Variants in ADK observed in about 807,000 individuals in gnomAD.
The protein encoded by ADK is adenosine kinase, also known as N6,N6-dimethyladenosine kinase.
In ADK, 24 loss-of-function variants were observed where a neutral mutation model predicts 44.7. That is an observed-to-expected ratio of 0.54 (90% confidence interval 0.39 to 0.76). ADK has a LOEUF of 0.76. ADK is among the 30% of genes least tolerant of loss of function. The pLI is 0.00. For synonymous variants in ADK, 128 were observed against 142.6 expected (o/e 0.90, Z 0.73); for missense variants, 321 against 425.1 (o/e 0.76, Z 2.15).
At chr10:74,610,208 T>C (rs572686254) in intron 9 of ADK, among the ~76,000 whole-genome samples, 41 of 152,288 alleles carry the variant, frequency 2.7e-4, no homozygotes, top group African/African-American at 9.9e-4. Flanking sequence ...AAATGTGATA[T>C]ATACATACAA....
At chr10:74,579,343 A>C (rs1036180636) in intron 7 of ADK, among the ~76,000 whole-genome samples, 1 of 152,118 alleles carries the variant, frequency 6.6e-6, no homozygotes, top group African/African-American at 2.4e-5. Flanking sequence ...TAAATGGAGG[A>C]TTGCAGACTT....
At chr10:74,649,857 T>C (rs539221563) in intron 9 of ADK, among the ~76,000 whole-genome samples, 3 of 152,318 alleles carry the variant, frequency 2.0e-5, no homozygotes, top group South Asian at 4.1e-4. Flanking sequence ...TCAAAAAATA[T>C]GAATACTTGT....
chr10:74,334,746 G>A (rs1424036213), intron 4 of ADK, among the ~76,000 whole-genome samples: 2 of 152,096 alleles, frequency 1.3e-5, no homozygotes, highest in African/African-American at 2.4e-5. Flanking sequence ...ATTTACAGAG[G>A]TTTTCCTGGC....
chr10:74,663,818 T>C (rs1854842399), intron 9 of ADK, among the ~76,000 whole-genome samples: 1 of 152,238 alleles, frequency 6.6e-6, no homozygotes. Flanking sequence ...ATCTCTATTA[T>C]TAGCAGAGTT....
At chr10:74,161,905 G>C (rs912518892) in intron 1 of ADK, among the ~76,000 whole-genome samples, 3 of 152,028 alleles carry the variant, frequency 2.0e-5, no homozygotes, top group Non-Finnish European at 4.4e-5. Flanking sequence ...TAGAAACAGG[G>C]TCTCACTCTA....
intron 4 of ADK, among the ~76,000 whole-genome samples, chr10:74,317,918 A>C (rs1840680568): frequency 6.6e-6 from 1 of 152,058 alleles, no homozygotes; most frequent in South Asian, 2.1e-4. Flanking sequence ...AGTAGCTGGG[A>C]CTATAGGTGT....
intron 6 of ADK, among the ~76,000 whole-genome samples, chr10:74,450,357 G>A (rs921759010): frequency 1.3e-5 from 2 of 152,202 alleles, no homozygotes; most frequent in South Asian, 2.1e-4. Context: ...TTCTAAATTG[G>A]AGAAAGTCAT....
intron 10 of ADK, among the ~76,000 whole-genome samples, chr10:74,698,144 G>A (rs1473497988): frequency 6.6e-6 from 1 of 152,326 alleles, no homozygotes; most frequent in East Asian, 1.9e-4. Flanking sequence ...GTCAGCTAGA[G>A]GACCTAAAGT....
intron 10 of ADK, among the ~76,000 whole-genome samples, chr10:74,682,844 G>A (rs1458581419): frequency 6.6e-6 from 1 of 152,102 alleles, no homozygotes; most frequent in Non-Finnish European, 1.5e-5. Context: ...AAAGTGCTGG[G>A]ATTACAGGCA....
intron 2 of ADK, among the ~76,000 whole-genome samples, chr10:74,212,887 GA>G (rs1843871419): frequency 0.012 from 1 of 86 alleles, no homozygotes; most frequent in Admixed American, 0.1. Flanking sequence ...TTGATTTAAT[GA>G]AGAGGGTAAA....
intron 7 of ADK, chr10:74,527,994 T>A: frequency 2.5e-6 from 2 of 809,910 alleles, no homozygotes; most frequent in East Asian, 2.4e-5. Context: ...AAAAGGCACC[T>A]GCAAGAAAAA....
At chr10:74,488,851 G>T (rs1292556170) in intron 6 of ADK, among the ~76,000 whole-genome samples, 1 of 151,790 alleles carries the variant, frequency 6.6e-6, no homozygotes, top group Non-Finnish European at 1.5e-5. Context: ...TATTGAGATT[G>T]TCCAGATTCC....
At chr10:74,308,860 G>A (rs201825444) in intron 3 of ADK, among the ~76,000 whole-genome samples, 2 of 150,684 alleles carry the variant, frequency 1.3e-5, no homozygotes, top group East Asian at 3.9e-4. Flanking sequence ...ATGCTCACTC[G>A]CTCTCTCTCT....
intron 4 of ADK, among the ~76,000 whole-genome samples, chr10:74,328,428 G>A (rs1841093650): frequency 6.6e-6 from 1 of 151,952 alleles, no homozygotes; most frequent in Non-Finnish European, 1.5e-5. Flanking sequence ...CTGCATATGT[G>A]GGCTTAGGGG....
intron 3 of ADK, among the ~76,000 whole-genome samples, chr10:74,274,732 G>GTGTATATATATATATATCTATATATATA (rs1554836801): frequency 1.2e-5 from 1 of 84,170 alleles, no homozygotes; most frequent in African/African-American, 4.4e-5. Flanking sequence ...TTTAATGTGT[G>GTGTATATATATATATATCTATATATATA]TATATATATA....
At chr10:74,372,463 G>A in intron 4 of ADK, 3 of 412,828 alleles carry the variant, frequency 7.3e-6, no homozygotes, top group South Asian at 3.6e-5. Context: ...AAGGTTGACG[G>A]AAAATAAATG....
At chr10:74,616,344 TTC>T (rs1336327268) in intron 9 of ADK, among the ~76,000 whole-genome samples, 1 of 152,166 alleles carries the variant, frequency 6.6e-6, no homozygotes, top group African/African-American at 2.4e-5. Context: ...AAAACTTCTA[TTC>T]TTTTACTTTT....
At chr10:74,442,143 T>G (rs1301915983) in intron 6 of ADK, among the ~76,000 whole-genome samples, 1 of 150,918 alleles carries the variant, frequency 6.6e-6, no homozygotes, top group Non-Finnish European at 1.5e-5. Flanking sequence ...AAAAAAAAAA[T>G]TACTCCCCCA....
intron 10 of ADK, among the ~76,000 whole-genome samples, chr10:74,679,294 T>A (rs113122919): frequency 2.6e-4 from 40 of 152,342 alleles, no homozygotes; most frequent in African/African-American, 9.6e-4. Context: ...TATCAAAATG[T>A]AAAAAGGCAG....
Sources: allele counts gnomAD v4.1 joint callset (sites outside exome capture counted in the v4.1 genomes callset), GRCh38; gene constraint gnomAD v4.1.1; transcripts MANE v1.5; gene names NCBI Gene and HGNC (gene_info 2026-07-23, HGNC 2026-07-21).